The following PNCK variants were observed in gnomAD, a reference collection of about 807,000 sequenced individuals.
PNCK encodes the protein pregnancy up-regulated nonubiquitous CaM kinase, also known as calcium/calmodulin-dependent protein kinase type 1B.
Under a neutral mutation model 28.3 loss-of-function variants are expected in PNCK, and 21 were observed. That is an observed-to-expected ratio of 0.74 (90% CI 0.53 to 1.07). PNCK has a LOEUF of 1.07. Ranked by LOEUF, PNCK falls within the 50% of genes least tolerant of loss-of-function variation. The pLI, the probability that PNCK is intolerant of heterozygous loss-of-function variation, is 0.00. For missense variants in PNCK, 250 were observed against 298.3 expected, an observed-to-expected ratio of 0.84 and a Z score of 1.19; for synonymous variants, 136 against 125.2, an observed-to-expected ratio of 1.09 and a Z score of -0.58.
In PNCK at chrX:153,672,006, G is replaced by A. The variant is rs782039916; in HGVS notation, c.288C>T (p.Gly96=). The change falls in exon 5 of 12, where the codon GGC becomes GGT. Residue 96 remains glycine, a synonymous_variant. Coordinates refer to ENST00000340888, the MANE Select transcript of PNCK (RefSeq NM_001366977.1). Reference sequence around the variant, plus strand: ...GCTCCATGATGCGGTCAAACAGCTCGCCACCCGTCACCCTGGGGGTGCCAG... The same window carrying A: ...GCTCCATGATGCGGTCAAACAGCTCACCACCCGTCACCCTGGGGGTGCCAG... ...LYLAMELVTG[G]ELFDRIMERG... The A allele has an allele frequency of 6.6e-6, 8 of 1,209,130 alleles. No homozygotes were observed. The highest frequency in any genetic ancestry group is 6.5e-5 in the Admixed American group (3 of 45,870).
In PNCK at chrX:153,673,270, T is replaced by C; in HGVS notation, c.-2-192A>G. The C allele has an allele frequency of 8.4e-7, 1 of 1,190,876 alleles. No individual in the cohort carries two copies. Among genetic ancestry groups the C allele is most frequent in the Admixed American group, 2.3e-5 (1 of 42,633 alleles). On this transcript the variant is annotated intron_variant, in intron 1 of 11. Transcript: ENST00000340888. ...AGGCCACCGCATACACGCCTCCACA[T>C]CCCAGGCCTACAGCTGCTATCCCAC...
chrX:153,676,275 C>T (rs1557041563), upstream of PNCK, among the ~76,000 whole-genome samples: 1 of 110,973 alleles, frequency 9.0e-6, no homozygotes, highest in Admixed American at 9.6e-5. Flanking sequence ...AGCCTATCTC[C>T]CTTTCCTATT....
In PNCK at chrX:153,670,796, A is replaced by G. The variant is rs1557039459; in HGVS notation, c.842T>C (p.Leu281Ser). The G allele has an allele frequency of 8.3e-7, 1 of 1,210,020 alleles. No individual in the cohort carries two copies. Among genetic ancestry groups the G allele is most frequent in the African/African-American group, 1.7e-5 (1 of 57,345 alleles). Residue 281 changes from leucine to serine, a missense_variant, in exon 10 of 12, where the codon TTA (leucine) becomes TCA (serine). Transcript: ENST00000340888. ...CCGGATCTGCTCACTGACAGAGCCT[A>G]AGATGTCCCTGTCGAAGGCTGTGTC... ...SGDTAFDRDI[L>S]GSVSEQIRKN...
chrX:153,687,503 G>C (rs3761533), exon 1 of PNCK: 55,992 of 323,167 alleles, frequency 0.17, 6,273 homozygotes, highest in African/African-American at 0.59. Context: ...CAGCGGTGGA[G>C]AGAGCTCAAG....
chrX:153,670,933 G>A lies in PNCK; in HGVS notation c.791C>T (p.Ala264Val), dbSNP rs1381566915. The A allele has an allele frequency of 2.5e-6, 3 of 1,210,964 alleles. No homozygotes were observed. Among genetic ancestry groups the A allele is most frequent in the Non-Finnish European group, 3.4e-6 (3 of 895,351 alleles). The change falls in exon 9 of 12, where the codon GCC becomes GTC. Residue 264 changes from alanine (A) to valine (V), a missense_variant. Transcript: ENST00000340888. ...DPQKRFTCQQALRHLWISGDT... is the reference protein window; with the variant it reads ...DPQKRFTCQQVLRHLWISGDT... ...TCCCACTCACCAAAGGTGCCGCAAG[G>A]CCTGTTGGCAGGTGAACCTCTTCTG...
At chrX:153,684,629 G>A (rs782656128) in intron 1 of PNCK, among the ~76,000 whole-genome samples, 3 of 110,954 alleles carry the variant, frequency 2.7e-5, no homozygotes, top group East Asian at 5.7e-4. Context: ...TGCCCGGCTC[G>A]CCTTCAGAAG....
In PNCK at chrX:153,673,785, G is replaced by A. The variant is rs1339352312; in HGVS notation, c.-8C>T. ...GCCCCGGAGCAGGTGCAGACCTGGA[G>A]CGGGTGCCGCAGCGTCGTGCCGCGC... On this transcript the variant is annotated 5_prime_UTR_variant, in exon 1 of 12. Transcript: ENST00000340888. 1.1e-5 allele frequency: 8 copies of A among 748,120 alleles called. No individual in the cohort carries two copies. The highest frequency in any genetic ancestry group is 1.3e-5 in the Non-Finnish European group (8 of 636,260). The allele number at this position is 748,120 out of a possible 1,213,427, so 61.7% of individuals were successfully genotyped here.
intron 1 of PNCK, 119 bp from the exon 2 acceptor site, chrX:153,673,197 TC>T (rs1415096595): frequency 1.3e-5 from 15 of 1,164,412 alleles, no homozygotes; most frequent in Non-Finnish European, 1.5e-5. Context: ...CGCTCGACCC[TC>T]CCCTCCCCCG....
intron 1 of PNCK, chrX:153,686,383 G>A (rs1440365668): frequency 2.7e-5 from 3 of 110,878 alleles, no homozygotes; most frequent in Non-Finnish European, 5.7e-5. Context: ...TCCCAGAGCT[G>A]TCTGGCCGTG....
At chrX:153,673,578 G>A (rs1376663835) in intron 1 of PNCK, 1 of 308,262 alleles carries the variant, frequency 3.2e-6, no homozygotes, top group Non-Finnish European at 5.0e-6. Flanking sequence ...CGCAGACGCA[G>A]CCCAGCCCTC....
chrX:153,672,421 C>T lies in PNCK; in HGVS notation c.200+145G>A, dbSNP rs185658143. The T allele has an allele frequency of 1.9e-5, 18 of 937,537 alleles. No homozygotes were observed. In the East Asian group the frequency reaches 4.7e-4, roughly 24 times the overall value. 77.3% of individuals were successfully genotyped at this position (937,537 alleles called of 1,213,427 possible). A position where few individuals can be genotyped will look rare whatever the true frequency, so the allele number is the denominator to read the frequency against. On this transcript the variant is annotated intron_variant, in intron 3 of 11. Transcript: ENST00000340888. ...AGCACAGATCAATATCAACTCACTC[C>T]CTTTGCCACAGGGATGTGCAGGCCC...
At chrX:153,673,832 C>G, upstream of PNCK, 1 of 752,765 alleles carries the variant, frequency 1.3e-6, no homozygotes, top group Non-Finnish European at 1.6e-6. Flanking sequence ...CGCCAAGCCC[C>G]CCGCCCGCGC....
chrX:153,673,253 G>A (rs782812371), intron 1 of PNCK, 175 bp from the exon 2 acceptor site: 35 of 1,190,801 alleles, frequency 2.9e-5, no homozygotes, highest in Middle Eastern at 4.7e-4. Context: ...CGAGGCCACC[G>A]CATACACGCC....
Position 153,673,027 on chromosome X carries a change from A to T in PNCK, c.50T>A (p.Ile17Asn). Reference protein sequence around the residue: ...HTEDISSVYEIRERLGSGAFS... With the variant: ...HTEDISSVYENRERLGSGAFS... ...CACTCACGAGCCGAGCCTCTCGCGG[A>T]TCTCGTAGACGCTGCTGATGTCCTC... The change falls in exon 2 of 12, where the codon ATC (isoleucine) becomes AAC (asparagine). Residue 17 changes from isoleucine (I) to asparagine (N), a missense_variant. Physicochemically the swap from Ile to Asn is moderately radical, Grantham distance 149 (BLOSUM62 -3). Coordinates refer to ENST00000340888, the MANE Select transcript of PNCK (RefSeq NM_001366977.1). 7 of 1,194,904 alleles carry T rather than the reference A, an allele frequency of 5.9e-6. No individual in the cohort carries two copies. The highest frequency in any genetic ancestry group is 7.9e-6 in the Non-Finnish European group (7 of 885,636).
intron 1 of PNCK, among the ~76,000 whole-genome samples, chrX:153,681,781 C>T (rs1321738857): frequency 7.2e-5 from 8 of 111,695 alleles, no homozygotes; most frequent in African/African-American, 9.8e-5. Flanking sequence ...GCTAATAAGG[C>T]GGGAGATGGG....
chrX:153,676,636 GGCAA>G (rs2091367522), upstream of PNCK, among the ~76,000 whole-genome samples: 4 of 111,630 alleles, frequency 3.6e-5, no homozygotes, highest in African/African-American at 1.3e-4. Flanking sequence ...GGCCAAGGTG[GGCAA>G]ATCACCTGAG....
upstream of PNCK, among the ~76,000 whole-genome samples, chrX:153,675,575 T>C (rs1202775732): frequency 9.0e-6 from 1 of 111,633 alleles, no homozygotes; most frequent in Non-Finnish European, 1.9e-5. Context: ...TCGCCCAGGC[T>C]GGAGTGCAGT....
At chrX:153,684,846 T>C (rs781827642) in intron 1 of PNCK, among the ~76,000 whole-genome samples, 104 of 41,064 alleles carry the variant, frequency 2.5e-3, no homozygotes, top group Non-Finnish European at 2.7e-3. Flanking sequence ...GCTCCCCTTC[T>C]CCTCCCCTCT....
intron 1 of PNCK, among the ~76,000 whole-genome samples, chrX:153,683,432 GC>G (rs1253220450): frequency 1.0e-5 from 1 of 100,017 alleles, no homozygotes; most frequent in Admixed American, 1.0e-4. Flanking sequence ...GAGCCACCGT[GC>G]CCAGCCCTGA....
Sources: allele counts gnomAD v4.1 joint callset (sites outside exome capture counted in the v4.1 genomes callset), GRCh38; gene constraint gnomAD v4.1.1; transcripts MANE v1.5; gene names NCBI Gene and HGNC (gene_info 2026-07-23, HGNC 2026-07-21).